The following C19orf38 variants were observed in gnomAD, a reference collection of about 807,000 sequenced individuals.
C19orf38 encodes chromosome 19 open reading frame 38.
C19orf38 carries 14 observed loss-of-function variants against 26.6 expected under a neutral mutation model. The ratio of observed to expected loss-of-function variants is 0.53; its 90% CI spans 0.35 to 0.82. The LOEUF is 0.82. C19orf38 is among the 40% of genes least tolerant of loss of function. The pLI is 0.01. For synonymous variants in C19orf38, 132 were observed against 128.5 expected, an observed-to-expected ratio of 1.03 and a Z score of -0.18; for missense variants, 261 against 299.5, an observed-to-expected ratio of 0.87 and a Z score of 0.95.
chr19:10,840,126 T>C (rs1010321627), intron 1 of C19orf38, among the ~76,000 whole-genome samples: 1 of 152,248 alleles, frequency 6.6e-6, no homozygotes, highest in Admixed American at 6.5e-5. Context: ...GTGTATTTTA[T>C]TACTTGCGTT....
At chr19:10,853,373 A>G (rs756455853) in intron 2 of C19orf38, among the ~76,000 whole-genome samples, 13 of 150,928 alleles carry the variant, frequency 8.6e-5, no homozygotes, top group Non-Finnish European at 5.9e-5. Context: ...TGCAACCTCT[A>G]CCTCCGAGGT....
chr19:10,855,912 C>T (rs555207933), intron 2 of C19orf38, among the ~76,000 whole-genome samples: 6 of 152,268 alleles, frequency 3.9e-5, no homozygotes, highest in African/African-American at 1.4e-4. Flanking sequence ...AATCCACCTG[C>T]CTCAGCCTCC....
chr19:10,845,506 C>T (rs551022394), upstream of C19orf38, among the ~76,000 whole-genome samples: 7 of 152,114 alleles, frequency 4.6e-5, no homozygotes, highest in East Asian at 1.9e-4. Context: ...AACTTAATGA[C>T]GCTCAATATA....
At chr19:10,848,172 C>T (rs1315116982), upstream of C19orf38, among the ~76,000 whole-genome samples, 3 of 152,056 alleles carry the variant, frequency 2.0e-5, no homozygotes, top group Non-Finnish European at 4.4e-5. Flanking sequence ...GCCTGGGCAA[C>T]AGAGCAAGAC....
At chr19:10,856,904 C>G (rs1294849316) in intron 3 of C19orf38, among the ~76,000 whole-genome samples, 1 of 152,046 alleles carries the variant, frequency 6.6e-6, no homozygotes, top group Non-Finnish European at 1.5e-5. Flanking sequence ...TCAAGCAGTT[C>G]TCCTGCCTCA....
In C19orf38 at chr19:10,850,277, C is replaced by A; in HGVS notation, c.50C>A (p.Ala17Glu). 6.4e-7 allele frequency: 1 copy of A among 1,550,452 alleles called. No homozygotes were observed. Among genetic ancestry groups the A allele is most frequent in the Non-Finnish European group, 8.7e-7 (1 of 1,146,954 alleles). ...ATTGCAGGCTCCTTGGCGATCCCAG[C>A]ACCATCCATCCGGCTGGTGCCCCCG... ...LFAAGSLAIPAPSIRLVPPYP... is the reference protein window; with the variant it reads ...LFAAGSLAIPEPSIRLVPPYP... The change falls in exon 2 of 7, where the codon GCA becomes GAA. Residue 17 changes from alanine (A) to glutamate (E), a missense_variant. Ala to Glu is a moderately radical substitution (Grantham distance 107, BLOSUM62 -1). Transcript: ENST00000397820.
chr19:10,847,773 C>A (rs976129185), upstream of C19orf38, among the ~76,000 whole-genome samples: 2 of 152,192 alleles, frequency 1.3e-5, no homozygotes, highest in African/African-American at 4.8e-5. Flanking sequence ...ACCACCATGT[C>A]CTCCCACTCC....
intron 4 of C19orf38, among the ~76,000 whole-genome samples, chr19:10,859,714 C>T (rs910688157): frequency 4.6e-5 from 7 of 151,840 alleles, no homozygotes; most frequent in Admixed American, 2.0e-4. Flanking sequence ...TTTCTTCCCC[C>T]GGCCAAGGGG....
rs1396331972 is a variant in C19orf38, at chr19:10,850,471, C to T, written c.244C>T (p.Pro82Ser). The change falls in exon 2 of 7, where the codon CCA becomes TCA. Residue 82 changes from proline (P) to serine (S), a missense_variant. By Grantham distance (74) the Pro-to-Ser change is moderately conservative. Transcript: ENST00000397820. ...CCTGAGCGGCGGCAGCAGCAAGGCTCCAGGGGGACCCTTCCACTGCCAGTA... is the reference window on the plus strand; with the variant it reads ...CCTGAGCGGCGGCAGCAGCAAGGCTTCAGGGGGACCCTTCCACTGCCAGTA... ...FNLSGGSSKA[P>S]GGPFHCQYGV... is the part of the protein sequence containing the mutation. 17 of 1,551,668 alleles carry T rather than the reference C, an allele frequency of 1.1e-5. No individual in the cohort carries two copies. The Admixed American group carries it at 2.4e-4, about 21-fold the overall frequency.
chr19:10,857,366 A>ATATATATTTTTTTT (rs1433358051), intron 3 of C19orf38, among the ~76,000 whole-genome samples: 13 of 56,080 alleles, frequency 2.3e-4, no homozygotes, highest in African/African-American at 2.2e-3. Context: ...ATATATATAT[A>ATATATATTTTTTTT]TTTTTTTTTT....
chr19:10,868,813 T>A (rs925371212), intron 6 of C19orf38, among the ~76,000 whole-genome samples: 4 of 152,156 alleles, frequency 2.6e-5, no homozygotes, highest in African/African-American at 9.7e-5. Context: ...ACAGAGGAGA[T>A]AATATGAATG....
At position 10,856,341 on chromosome 19, in the gene C19orf38, C is replaced by T; in HGVS notation, c.417C>T (p.Ala139=). Reference sequence around the variant, plus strand: ...TCCTTGCTGGGCTGGTGGCTGTTGCCCTGGTGGTCAGAAAAGGTAACAGCA... The same window carrying T: ...TCCTTGCTGGGCTGGTGGCTGTTGCTCTGGTGGTCAGAAAAGGTAACAGCA... ...LFLLAGLVAV[A]LVVRKVKLRN... The change falls in exon 3 of 7, where the codon GCC becomes GCT. Residue 139 remains alanine (A), a synonymous_variant. Transcript: ENST00000397820. The T allele has an allele frequency of 1.3e-6, 2 of 1,551,130 alleles. No individual in the cohort carries two copies. Among genetic ancestry groups the T allele is most frequent in the Non-Finnish European group, 1.7e-6 (2 of 1,146,622 alleles).
intron 2 of C19orf38, among the ~76,000 whole-genome samples, chr19:10,852,867 C>T (rs187997747): frequency 1.6e-4 from 24 of 151,948 alleles, no homozygotes; most frequent in African/African-American, 5.8e-4. Context: ...GGTTATGGGT[C>T]AAGAAGCAGG....
intron 5 of C19orf38, 66 bp downstream of exon 5, chr19:10,860,024 C>T: frequency 2.8e-6 from 4 of 1,437,166 alleles, no homozygotes; most frequent in Non-Finnish European, 3.8e-6. Context: ...CATCAGGCCT[C>T]ATCACACACC....
chr19:10,842,082 G>T (rs2073482430), intron 1 of C19orf38: 4 of 1,596,126 alleles, frequency 2.5e-6, no homozygotes, highest in African/African-American at 1.3e-5. Flanking sequence ...GGACAGTATG[G>T]CTCAGCAGAC....
chr19:10,853,761 T>C (rs2073596990), intron 2 of C19orf38, among the ~76,000 whole-genome samples: 1 of 151,498 alleles, frequency 6.6e-6, no homozygotes, highest in Non-Finnish European at 1.5e-5. Flanking sequence ...CCAGCTAATT[T>C]TTTGTATTTT....
Position 10,869,312 on chromosome 19 carries a change from C to G in C19orf38, c.638C>G (p.Ser213Cys), listed in dbSNP as rs1485466501. 6.4e-7 allele frequency: 1 copy of G among 1,551,682 alleles called. No homozygotes were observed. Residue 213 changes from serine to cysteine, a missense_variant, in exon 7 of 7, where the codon TCC becomes TGC. By Grantham distance (112) the Ser-to-Cys change is moderately radical. Coordinates refer to ENST00000397820, the MANE Select transcript of C19orf38 (RefSeq NM_001136482.3). ...SNSRTRKRPT[S>C]TSSSPETPEF... ...TCCAGGACCCGGAAGAGGCCCACTT[C>G]CACGTCCTCCTCGCCTGAGACCCCC...
At chr19:10,866,994 T>C (rs981348214) in intron 6 of C19orf38, among the ~76,000 whole-genome samples, 1 of 151,830 alleles carries the variant, frequency 6.6e-6, no homozygotes, top group Non-Finnish European at 1.5e-5. Context: ...TTCACCAAGT[T>C]GGCCAGGCTG....
At position 10,859,948 on chromosome 19, in the gene C19orf38, C is replaced by G; in HGVS notation, c.495C>G (p.Phe165Leu). ...AATCCTGCTGGGCCCAGATTAACTTCGACAGCACAGGTCTGTGCCTCCACA... is the reference window on the plus strand; with the variant it reads ...AATCCTGCTGGGCCCAGATTAACTTGGACAGCACAGGTCTGTGCCTCCACA... ...DRESCWAQIN[F>L]DSTDMSFDNS... The change falls in exon 5 of 7, where the codon TTC becomes TTG. Residue 165 changes from phenylalanine to leucine, a missense_variant. By Grantham distance (22) the Phe-to-Leu change is conservative (BLOSUM62 0). Coordinates refer to ENST00000397820, the MANE Select transcript of C19orf38 (RefSeq NM_001136482.3). 1.3e-6 allele frequency: 2 copies of G among 1,551,858 alleles called. No homozygotes were observed. The highest frequency in any genetic ancestry group is 2.4e-5 in the East Asian group (1 of 40,920).
Sources: allele counts gnomAD v4.1 joint callset (sites outside exome capture counted in the v4.1 genomes callset), GRCh38; gene constraint gnomAD v4.1.1; transcripts MANE v1.5; gene names NCBI Gene and HGNC (gene_info 2026-07-23, HGNC 2026-07-21).